Variants in ADGRL3 observed in about 807,000 individuals in gnomAD.
ADGRL3 encodes calcium-independent alpha-latrotoxin receptor 3.
Under a neutral mutation model 153.5 loss-of-function variants are expected in ADGRL3, and 62 were observed. The observed-to-expected ratio is 0.40, with a 90% confidence interval of 0.33 to 0.50. ADGRL3 has a LOEUF of 0.50. Ranked by LOEUF, ADGRL3 falls within the 20% of genes least tolerant of loss-of-function variation. The pLI is 0.47. For synonymous variants in ADGRL3, 710 were observed against 672.5 expected, an observed-to-expected ratio of 1.06 and a Z score of -0.86; for missense variants, 1,641 against 1,859.4, an observed-to-expected ratio of 0.88 and a Z score of 2.16.
chr4:61,454,627 G>A (rs983167169), intron 2 of ADGRL3, among the ~76,000 whole-genome samples: 2 of 151,978 alleles, frequency 1.3e-5, no homozygotes, highest in Non-Finnish European at 2.9e-5. Flanking sequence ...GTATGAATTT[G>A]GCTAAACAAG....
intron 9 of ADGRL3, among the ~76,000 whole-genome samples, chr4:61,834,808 A>T (rs1469960881): frequency 6.6e-6 from 1 of 152,206 alleles, no homozygotes; most frequent in Non-Finnish European, 1.5e-5. Context: ...ACAGCATACT[A>T]TAAGGTAAAT....
chr4:61,991,893 T>A (rs2150985040), intron 19 of ADGRL3, among the ~76,000 whole-genome samples: 1 of 148,056 alleles, frequency 6.8e-6, no homozygotes, highest in African/African-American at 2.4e-5. Flanking sequence ...ACATTATATT[T>A]ATAAAATACA....
At chr4:61,776,049 C>T (rs866962067) in intron 8 of ADGRL3, among the ~76,000 whole-genome samples, 1 of 152,016 alleles carries the variant, frequency 6.6e-6, no homozygotes, top group Non-Finnish European at 1.5e-5. Flanking sequence ...TCCAGGCGCC[C>T]GCCACCACAC....
At chr4:61,432,642 CTTTCTTTCTTTCTTTTTTTTTT>C (rs2097382272) in intron 2 of ADGRL3, among the ~76,000 whole-genome samples, 1 of 22,938 alleles carries the variant, frequency 4.4e-5, no homozygotes, top group Non-Finnish European at 9.8e-5. Flanking sequence ...TTCTTTCTTT[CTTTCTTTCTTTCTTTTTTTTTT>C]TTTTTTGAGA....
intron 1 of ADGRL3, among the ~76,000 whole-genome samples, chr4:61,301,223 A>G (rs1043486135): frequency 2.6e-5 from 4 of 152,214 alleles, no homozygotes; most frequent in Admixed American, 6.5e-5. Flanking sequence ...AAAATATTTC[A>G]CCTGGGACTG....
At chr4:61,420,195 GTCT>G (rs1553925065) in intron 2 of ADGRL3, 1 of 151,936 alleles carries the variant, frequency 6.6e-6, no homozygotes, top group Non-Finnish European at 1.5e-5. Context: ...TTTTTCTATT[GTCT>G]TCATTTGTTC....
intron 3 of ADGRL3, among the ~76,000 whole-genome samples, chr4:61,506,896 G>GA (rs1021160005): frequency 5.9e-5 from 9 of 151,758 alleles, no homozygotes; most frequent in Non-Finnish European, 1.0e-4. Flanking sequence ...ATGATGTGAG[G>GA]AAAAAACCTA....
chr4:61,987,397 A>G (rs1319698468), intron 19 of ADGRL3, among the ~76,000 whole-genome samples: 2 of 151,672 alleles, frequency 1.3e-5, no homozygotes, highest in Admixed American at 1.3e-4. Context: ...CTGGTCTCGA[A>G]CTCCCAACCT....
In ADGRL3 at chr4:61,203,928, T is replaced by G. The variant is rs1349466096; in HGVS notation, c.-240+2163T>G. ...GTTTCACCCAATCTTTTTTTTTTTG[T>G]AACCAAAGCAAGGGTAAAGACTGTA... On this transcript the variant is annotated intron_variant, in intron 1 of 26. Coordinates refer to ENST00000683033, the MANE Select transcript of ADGRL3 (RefSeq NM_001387552.1). Among the ~76,000 whole-genome samples, 3 of 150,504 alleles carry G rather than the reference T, an allele frequency of 2.0e-5. No individual in the cohort carries two copies. In the East Asian group the frequency reaches 5.8e-4, roughly 29 times the overall value.
At chr4:61,362,347 C>T (rs956908790) in intron 1 of ADGRL3, among the ~76,000 whole-genome samples, 46 of 145,670 alleles carry the variant, frequency 3.2e-4, no homozygotes, top group Non-Finnish European at 4.8e-4. Context: ...TATATATATA[C>T]ACACACACAC....
At chr4:61,456,594 C>T (rs58251292) in intron 2 of ADGRL3, among the ~76,000 whole-genome samples, 1,514 of 150,084 alleles carry the variant, frequency 0.01, 22 homozygotes, top group African/African-American at 0.035. Flanking sequence ...GTCTGTTTTT[C>T]CTGTGTAGCA....
intron 24 of ADGRL3, among the ~76,000 whole-genome samples, chr4:62,043,347 A>T (rs964487600): frequency 6.6e-6 from 1 of 152,036 alleles, no homozygotes; most frequent in African/African-American, 2.4e-5. Flanking sequence ...CCAACTAATA[A>T]AACAAATGTG....
At chr4:61,840,841 T>C (rs2098019538) in intron 9 of ADGRL3, among the ~76,000 whole-genome samples, 1 of 152,198 alleles carries the variant, frequency 6.6e-6, no homozygotes. Context: ...TGGGGGAAAG[T>C]TTCCTTCTTT....
chr4:62,037,718 T>C lies in ADGRL3; in HGVS notation c.3592-13T>C, dbSNP rs750134816. 1.2e-6 allele frequency: 2 copies of C among 1,613,610 alleles called. No individual in the cohort carries two copies. The highest frequency in any genetic ancestry group is 1.7e-6 in the Non-Finnish European group (2 of 1,179,632). On this transcript the variant is annotated splice_polypyrimidine_tract_variant and intron_variant, in intron 23 of 26. Coordinates refer to ENST00000683033, the MANE Select transcript of ADGRL3 (RefSeq NM_001387552.1). ...AATTACTTGCTAACAGAAGTTAATA[T>C]TTAATTGGCTAGGTACGAAAAGAGT...
intron 4 of ADGRL3, among the ~76,000 whole-genome samples, chr4:61,570,608 A>G (rs2098834695): frequency 6.6e-6 from 1 of 152,174 alleles, no homozygotes; most frequent in African/African-American, 2.4e-5. Flanking sequence ...TTGCACCATT[A>G]CACTTACCAC....
intron 4 of ADGRL3, among the ~76,000 whole-genome samples, chr4:61,562,012 A>G (rs1263914861): frequency 6.6e-6 from 1 of 151,876 alleles, no homozygotes; most frequent in Admixed American, 6.6e-5. Context: ...TGCATGCATA[A>G]TTTTGAGATA....
intron 8 of ADGRL3, among the ~76,000 whole-genome samples, chr4:61,743,324 C>CAAAAAA (rs752363213): frequency 7.7e-4 from 39 of 50,446 alleles, no homozygotes; most frequent in East Asian, 1.1e-3. Flanking sequence ...GACTCCATCT[C>CAAAAAA]AAAAAAAAAA....
chr4:61,358,980 C>G (rs933830870), intron 1 of ADGRL3, among the ~76,000 whole-genome samples: 1 of 152,160 alleles, frequency 6.6e-6, no homozygotes, highest in Non-Finnish European at 1.5e-5. Flanking sequence ...TAAACTTCTA[C>G]TCTCCACTCA....
At chr4:61,462,615 T>C (rs564261879) in intron 2 of ADGRL3, among the ~76,000 whole-genome samples, 32 of 152,212 alleles carry the variant, frequency 2.1e-4, no homozygotes, top group African/African-American at 7.7e-4. Flanking sequence ...CTTAATAAAT[T>C]ATCTAAGTGT....
Sources: allele counts gnomAD v4.1 joint callset (sites outside exome capture counted in the v4.1 genomes callset), GRCh38; gene constraint gnomAD v4.1.1; transcripts MANE v1.5; gene names NCBI Gene and HGNC (gene_info 2026-07-23, HGNC 2026-07-21).